Variants in DIAPH2 observed in about 807,000 individuals in gnomAD.
DIAPH2 encodes diaphanous related formin 2.
In DIAPH2, 35 loss-of-function variants were observed where a neutral mutation model predicts 92.7. That is an observed-to-expected ratio of 0.38 (90% CI 0.29 to 0.50). The LOEUF (loss-of-function observed/expected upper bound fraction) is 0.50. DIAPH2 is among the 20% of genes least tolerant of loss of function. DIAPH2 has a pLI of 0.94. For synonymous variants in DIAPH2, 301 were observed against 280.4 expected (o/e 1.07, Z -0.73); for missense variants, 701 against 819.5 (o/e 0.86, Z 1.77).
chrX:97,365,611 C>A (rs1232663747), intron 24 of DIAPH2, among the ~76,000 whole-genome samples: 1 of 111,249 alleles, frequency 9.0e-6, no homozygotes, highest in Non-Finnish European at 1.9e-5. Context: ...TTTCCTAATA[C>A]CCCCTGCTGA....
At chrX:96,816,284 G>A (rs2064734162) in intron 4 of DIAPH2, among the ~76,000 whole-genome samples, 1 of 111,984 alleles carries the variant, frequency 8.9e-6, no homozygotes, top group East Asian at 2.8e-4. Context: ...ATGCTGCAAT[G>A]AACATGGGAG....
intron 4 of DIAPH2, among the ~76,000 whole-genome samples, chrX:96,785,678 T>C (rs2064451037): frequency 9.2e-6 from 1 of 108,431 alleles, no homozygotes; most frequent in African/African-American, 3.4e-5. Context: ...GGTTTCATCA[T>C]GTTGCCCAGG....
chrX:97,060,358 C>A (rs767912336), intron 17 of DIAPH2, among the ~76,000 whole-genome samples: 6 of 112,454 alleles, frequency 5.3e-5, no homozygotes, highest in African/African-American at 1.9e-4. Flanking sequence ...TTGCTTCTTA[C>A]CTGGCTATTA....
chrX:97,352,730 C>T (rs1977371), intron 24 of DIAPH2, among the ~76,000 whole-genome samples: 44,265 of 104,782 alleles, frequency 0.42, 8,778 homozygotes, highest in Non-Finnish European at 0.57. Flanking sequence ...ATTAGCCGGG[C>T]ATGGTGGCAG....
chrX:97,437,761 TACACACACACACACAC>T (rs58161143), intron 26 of DIAPH2, among the ~76,000 whole-genome samples: 1 of 95,731 alleles, frequency 1.0e-5, no homozygotes, highest in Non-Finnish European at 2.1e-5. Flanking sequence ...TACATGATTT[TACACACACACACACAC>T]ACACACACAC....
At chrX:97,276,112 C>CA (rs1398217109) in intron 23 of DIAPH2, among the ~76,000 whole-genome samples, 1 of 111,548 alleles carries the variant, frequency 9.0e-6, no homozygotes, top group African/African-American at 3.3e-5. Flanking sequence ...CCGTCTCCAC[C>CA]AAAAAAATAC....
rs767872984 is a variant in DIAPH2, at chrX:97,338,193, A to T, written c.2845-9923A>T. ...GGCCTATAATCTGATTTTTAACAGA[A>T]TTTTTTTAGTCTATATCTTGAACTA... On this transcript the variant is annotated intron_variant, in intron 23 of 26. Coordinates refer to ENST00000324765, the MANE Select transcript of DIAPH2 (RefSeq NM_006729.5). Among the ~76,000 whole-genome samples the T allele has an allele frequency of 3.3e-4, 37 of 111,046 alleles. 1 individual carries two copies. The highest frequency in any genetic ancestry group is 1.2e-3 in the African/African-American group (37 of 30,593).
At chrX:97,057,400 TC>T (rs1284238693) in intron 17 of DIAPH2, among the ~76,000 whole-genome samples, 1 of 111,642 alleles carries the variant, frequency 9.0e-6, no homozygotes, top group African/African-American at 3.3e-5. Flanking sequence ...CCAGCAAATT[TC>T]ATTCTTTCAT....
intron 25 of DIAPH2, among the ~76,000 whole-genome samples, chrX:97,417,614 ACAG>A (rs1207625602): frequency 1.8e-5 from 2 of 111,472 alleles, no homozygotes; most frequent in Admixed American, 9.6e-5. Context: ...GGCACAGGCC[ACAG>A]TGAGCAGAGA....
chrX:97,493,564 T>A (rs2070738207), intron 26 of DIAPH2, among the ~76,000 whole-genome samples: 1 of 111,296 alleles, frequency 9.0e-6, no homozygotes, highest in African/African-American at 3.3e-5. Context: ...CCCGGCCTGG[T>A]TATTTTTTTT....
At chrX:97,528,049 G>T (rs1439300479) in intron 26 of DIAPH2, among the ~76,000 whole-genome samples, 1 of 111,317 alleles carries the variant, frequency 9.0e-6, no homozygotes, top group Non-Finnish European at 1.9e-5. Flanking sequence ...CAAATATGAG[G>T]ATTAAAAAAA....
In DIAPH2 at chrX:96,752,489, C is replaced by T. The variant is rs190937445; in HGVS notation, c.343-5665C>T. On this transcript the variant is annotated intron_variant, in intron 3 of 26. Coordinates refer to ENST00000324765, the MANE Select transcript of DIAPH2 (RefSeq NM_006729.5). Reference sequence around the variant, plus strand: ...GAGTTTAGAAGAGATAGATTTATCACATAATTTCAATGTAAGTGACACATA... The same window carrying T: ...GAGTTTAGAAGAGATAGATTTATCATATAATTTCAATGTAAGTGACACATA... 2.2e-4 allele frequency among the ~76,000 whole-genome samples: 25 copies of T among 112,245 alleles called. No homozygotes were observed. The East Asian group carries it at 6.7e-3, about 30-fold the overall frequency.
intron 3 of DIAPH2, among the ~76,000 whole-genome samples, chrX:96,750,033 A>G (rs1226485812): frequency 5.6e-5 from 6 of 107,559 alleles, no homozygotes; most frequent in African/African-American, 2.0e-4. Flanking sequence ...AAAATGCCTA[A>G]CTCATGCTAT....
At position 97,553,357 on chromosome X, in the gene DIAPH2, C is replaced by A. The variant is rs778504546; in HGVS notation, c.3242-45896C>A. On this transcript the variant is annotated intron_variant, in intron 26 of 26. Coordinates refer to ENST00000324765, the MANE Select transcript of DIAPH2 (RefSeq NM_006729.5). ...AGAGAATTGGATGTTGTTCACATAC[C>A]ACAGATAAGCCAATAAACCAGACAT... is the stretch of plus-strand genomic sequence containing the variant. 2.7e-5 allele frequency among the ~76,000 whole-genome samples: 3 copies of A among 110,927 alleles called. No homozygotes were observed. The South Asian group carries it at 1.1e-3, about 42-fold the overall frequency.
At chrX:96,735,375 C>T (rs2064080097) in intron 1 of DIAPH2, among the ~76,000 whole-genome samples, 1 of 111,088 alleles carries the variant, frequency 9.0e-6, no homozygotes, top group Non-Finnish European at 1.9e-5. Context: ...TCCTATTGTA[C>T]GTGGTGTTGT....
At chrX:97,506,189 G>T (rs758780665) in intron 26 of DIAPH2, among the ~76,000 whole-genome samples, 2 of 73,490 alleles carry the variant, frequency 2.7e-5, no homozygotes, top group Non-Finnish European at 4.6e-5. Context: ...TCATTCTGTC[G>T]CCCAGGCTGG....
chrX:97,025,435 A>G (rs2066326236), intron 17 of DIAPH2, among the ~76,000 whole-genome samples: 1 of 109,472 alleles, frequency 9.1e-6, no homozygotes, highest in Non-Finnish European at 1.9e-5. Context: ...GCGGATCACG[A>G]GGTCAGGAAA....
At chrX:97,167,894 T>C (rs1213160137) in intron 22 of DIAPH2, among the ~76,000 whole-genome samples, 1 of 111,195 alleles carries the variant, frequency 9.0e-6, no homozygotes, top group Non-Finnish European at 1.9e-5. Context: ...TAGGTCTTTT[T>C]CTGATCTTTC....
Position 97,496,250 on chromosome X carries a change from A to G in DIAPH2, c.3241+66505A>G, listed in dbSNP as rs766315683. Reference sequence around the variant, plus strand: ...GAGTGCAATGGCGCGATCTTGGCTCACCACAACCTCCATCTCCCGGGCTCA... The same window carrying G: ...GAGTGCAATGGCGCGATCTTGGCTCGCCACAACCTCCATCTCCCGGGCTCA... On this transcript the variant is annotated intron_variant, in intron 26 of 26. Coordinates refer to ENST00000324765, the MANE Select transcript of DIAPH2 (RefSeq NM_006729.5). Among the ~76,000 whole-genome samples, 424 of 90,356 alleles carry G rather than the reference A, an allele frequency of 4.7e-3. 1 individual carries two copies. Among genetic ancestry groups the G allele is most frequent in the African/African-American group, 0.018 (408 of 22,723 alleles). 78.5% of individuals were successfully genotyped at this position (90,356 alleles called of 115,157 possible). A position where few individuals can be genotyped will look rare whatever the true frequency, so the allele number is the denominator to read the frequency against.
Sources: gnomAD v4.1 joint callset for allele counts (sites outside exome capture counted in the v4.1 genomes callset) on GRCh38, gnomAD v4.1.1 for gene constraint, MANE v1.5 for transcripts, NCBI Gene and HGNC (gene_info 2026-07-23, HGNC 2026-07-21) for gene names.